Variants in CLVS1 observed in about 807,000 individuals in gnomAD.
CLVS1 encodes clavesin 1, also known as clavesin-1.
A neutral mutation model predicts 33.1 loss-of-function variants in CLVS1; 10 were observed. That is an observed-to-expected ratio of 0.30 (90% CI 0.19 to 0.51). CLVS1 has a LOEUF of 0.51. CLVS1 is among the 20% of genes least tolerant of loss of function. The pLI is 0.97. For missense variants in CLVS1, 343 were observed against 433.4 expected (o/e 0.79, Z 1.85); for synonymous variants, 163 against 166.1 (o/e 0.98, Z 0.14).
chr8:61,444,533 C>T (rs1021136327), intron 3 of CLVS1, among the ~76,000 whole-genome samples: 20 of 152,054 alleles, frequency 1.3e-4, no homozygotes, highest in African/African-American at 4.1e-4. Flanking sequence ...ATTACTATTG[C>T]GAAAGTACCA....
chr8:61,225,571 A>G (rs1490887132), intron 2 of CLVS1, among the ~76,000 whole-genome samples: 4 of 152,174 alleles, frequency 2.6e-5, no homozygotes, highest in African/African-American at 9.7e-5. Flanking sequence ...CTCCAAAGGG[A>G]TTTTTCTAAA....
chr8:60,975,327 G>A, the CLVS1 span, among the ~76,000 whole-genome samples: 2 of 152,158 alleles, frequency 1.3e-5, no homozygotes, highest in Non-Finnish European at 2.9e-5. Flanking sequence ...GTCTGGGAAA[G>A]CAAGTGTTTG....
chr8:61,467,266 G>A (rs760109238), intron 5 of CLVS1, among the ~76,000 whole-genome samples: 3 of 152,196 alleles, frequency 2.0e-5, no homozygotes, highest in Non-Finnish European at 4.4e-5. Context: ...AGAAGGATAA[G>A]TGATGGCGGG....
chr8:61,234,105 G>C (rs543944842), intron 2 of CLVS1, among the ~76,000 whole-genome samples: 1 of 152,312 alleles, frequency 6.6e-6, no homozygotes, highest in South Asian at 2.1e-4. Flanking sequence ...AAGGGTAGGA[G>C]GGTAGGGGGG....
At chr8:61,267,061 T>C (rs1224918133) in intron 2 of CLVS1, among the ~76,000 whole-genome samples, 3 of 152,218 alleles carry the variant, frequency 2.0e-5, no homozygotes, top group African/African-American at 7.2e-5. Flanking sequence ...GGGTGCCTGA[T>C]GGTAGAAATA....
chr8:61,063,083 T>G lies in CLVS1; in HGVS notation c.-243+5853T>G, dbSNP rs564055856. Among the ~76,000 whole-genome samples the G allele has an allele frequency of 7.2e-5, 11 of 152,254 alleles. No individual in the cohort carries two copies. The East Asian group carries it at 1.3e-3, about 19-fold the overall frequency. ...ACTTAGGCCTAAAAAAGGTTAAATA[T>G]CTTGCTCAAGGTCACACAACTAGAG... On this transcript the variant is annotated intron_variant, in intron 1 of 2. Transcript: ENST00000522621.
intron 2 of CLVS1, among the ~76,000 whole-genome samples, chr8:61,261,275 G>A (rs2129592225): frequency 6.6e-6 from 1 of 152,318 alleles, no homozygotes; most frequent in Middle Eastern, 3.4e-3. Context: ...GTCTTCATGT[G>A]AAAGCAGTTG....
chr8:61,489,055 A>G (rs551217778), intron 5 of CLVS1, among the ~76,000 whole-genome samples: 1 of 152,348 alleles, frequency 6.6e-6, no homozygotes, highest in Admixed American at 6.5e-5. Flanking sequence ...TTGAAGTATT[A>G]TTAAATAATA....
intron 3 of CLVS1, among the ~76,000 whole-genome samples, chr8:61,423,565 C>G (rs891206803): frequency 6.6e-6 from 1 of 152,098 alleles, no homozygotes; most frequent in Non-Finnish European, 1.5e-5. Flanking sequence ...TGCTTAGAAA[C>G]GTTTATTCAG....
At chr8:61,141,977 A>G (rs1439658354) in intron 2 of CLVS1, among the ~76,000 whole-genome samples, 1 of 152,168 alleles carries the variant, frequency 6.6e-6, no homozygotes, top group African/African-American at 2.4e-5. Flanking sequence ...CTGGCTAGGC[A>G]TTGCTGTTTT....
At chr8:61,194,948 T>C (rs1175901316) in intron 2 of CLVS1, among the ~76,000 whole-genome samples, 1 of 151,822 alleles carries the variant, frequency 6.6e-6, no homozygotes, top group Non-Finnish European at 1.5e-5. Context: ...GTTTTGAAAT[T>C]TTAAAATACA....
At chr8:61,130,925 A>G (rs1364049079) in intron 1 of CLVS1, among the ~76,000 whole-genome samples, 3 of 152,264 alleles carry the variant, frequency 2.0e-5, no homozygotes, top group Non-Finnish European at 4.4e-5. Flanking sequence ...ACTCATAAAA[A>G]TATCACTAAT....
chr8:61,381,267 C>T (rs1813867248), intron 3 of CLVS1, among the ~76,000 whole-genome samples: 1 of 151,864 alleles, frequency 6.6e-6, no homozygotes, highest in South Asian at 2.1e-4. Flanking sequence ...GTTGCTTTTC[C>T]AACTCTTTTC....
chr8:61,017,788 G>T, the CLVS1 span, among the ~76,000 whole-genome samples: 504 of 152,282 alleles, frequency 3.3e-3, 2 homozygotes, highest in Non-Finnish European at 5.2e-3. Context: ...GGGCTGGGGG[G>T]GCTCCTCTGG....
chr8:61,261,317 A>G (rs1809198832), intron 2 of CLVS1, among the ~76,000 whole-genome samples: 1 of 152,190 alleles, frequency 6.6e-6, no homozygotes, highest in African/African-American at 2.4e-5. Flanking sequence ...TTATTTTATA[A>G]TCTCAAATGG....
At chr8:60,984,197 G>C in the CLVS1 span, among the ~76,000 whole-genome samples, 82 of 152,158 alleles carry the variant, frequency 5.4e-4, no homozygotes, top group Non-Finnish European at 9.3e-4. Context: ...CTTTCCACCT[G>C]TGTGTAGCTT....
rs10216428 is a variant in CLVS1, at chr8:61,420,926, G to A, written c.631-33215G>A. Among the ~76,000 whole-genome samples the A allele has an allele frequency of 9.8e-3, 1,495 of 152,176 alleles. 31 individuals are homozygous for A. Among genetic ancestry groups the A allele is most frequent in the African/African-American group, 0.034 (1,397 of 41,508 alleles). ...GCAGAGGTTGCAGTGAGCCGAGATC[G>A]CACCACTGCATTCCAGCCTGGGCAA... On this transcript the variant is annotated intron_variant, in intron 3 of 5. Coordinates refer to ENST00000325897, the MANE Select transcript of CLVS1 (RefSeq NM_173519.3).
At chr8:61,258,940 T>C (rs768966334) in intron 2 of CLVS1, among the ~76,000 whole-genome samples, 20 of 152,214 alleles carry the variant, frequency 1.3e-4, no homozygotes, top group Admixed American at 3.9e-4. Flanking sequence ...AGGAGGGTGA[T>C]ACATGTTCCC....
chr8:61,350,671 G>A (rs1255386386), intron 2 of CLVS1, among the ~76,000 whole-genome samples: 3 of 152,088 alleles, frequency 2.0e-5, no homozygotes, highest in Non-Finnish European at 2.9e-5. Flanking sequence ...CTTTGTGCAT[G>A]TGCCCTGAAT....
Sources: gnomAD v4.1 joint callset for allele counts (sites outside exome capture counted in the v4.1 genomes callset) on GRCh38, gnomAD v4.1.1 for gene constraint, MANE v1.5 for transcripts, NCBI Gene and HGNC (gene_info 2026-07-23, HGNC 2026-07-21) for gene names.